WDR44: variants seen among roughly 807,000 people sequenced by gnomAD.
WDR44 encodes the protein WD repeat-containing protein 44.
Under a neutral mutation model 65.7 loss-of-function variants are expected in WDR44, and 9 were observed. The ratio of observed to expected loss-of-function variants is 0.14; its 90% CI spans 0.08 to 0.24. The LOEUF (loss-of-function observed/expected upper bound fraction) is 0.24. Ranked by LOEUF, WDR44 falls within the 10% of genes least tolerant of loss-of-function variation. WDR44 has a pLI of 1.00. For missense variants in WDR44, 425 were observed against 670.9 expected, an observed-to-expected ratio of 0.63 and a Z score of 4.05; for synonymous variants, 220 against 235.2, an observed-to-expected ratio of 0.94 and a Z score of 0.59.
chrX:118,387,444 T>C, intron 3 of WDR44, 30 bp downstream of exon 3: 1 of 1,032,494 alleles, frequency 9.7e-7, no homozygotes, highest in Non-Finnish European at 1.3e-6. Flanking sequence ...AATATTAGTT[T>C]ATAGCAGACA....
intron 19 of WDR44, 33 bp downstream of exon 19, chrX:118,444,527 G>C: frequency 8.4e-7 from 1 of 1,195,412 alleles, no homozygotes; most frequent in East Asian, 3.0e-5. Flanking sequence ...TTTTTTTCTA[G>C]TCAGCACTTA....
At chrX:118,354,718 A>G (rs2056444464) in intron 1 of WDR44, among the ~76,000 whole-genome samples, 3 of 111,937 alleles carry the variant, frequency 2.7e-5, no homozygotes, top group African/African-American at 6.5e-5. Context: ...TAGGTATCCT[A>G]TACAGAACAA....
chrX:118,366,892 T>C (rs1342512866), intron 1 of WDR44, among the ~76,000 whole-genome samples: 1 of 111,534 alleles, frequency 9.0e-6, no homozygotes, highest in Non-Finnish European at 1.9e-5. Flanking sequence ...GGTCAGGAGA[T>C]GGAGACCACG....
chrX:118,374,511 A>G (rs925327568), intron 1 of WDR44, among the ~76,000 whole-genome samples: 8 of 112,023 alleles, frequency 7.1e-5, no homozygotes, highest in African/African-American at 2.6e-4. Context: ...CAACTTTGTA[A>G]CATTTAACAT....
At chrX:118,376,483 A>G (rs990893276) in intron 1 of WDR44, among the ~76,000 whole-genome samples, 4 of 111,224 alleles carry the variant, frequency 3.6e-5, no homozygotes, top group African/African-American at 1.3e-4. Context: ...AGGCTGTGTG[A>G]TTAGATCATC....
At chrX:118,446,518 A>G (rs2057347909) in intron 19 of WDR44, among the ~76,000 whole-genome samples, 1 of 112,211 alleles carries the variant, frequency 8.9e-6, no homozygotes. Context: ...TCATAAAGCC[A>G]CAGGAATAGA....
intron 10 of WDR44, 147 bp from the exon 11 acceptor site, chrX:118,409,342 C>T: frequency 2.0e-6 from 1 of 490,493 alleles, no homozygotes; most frequent in Non-Finnish European, 3.2e-6. Flanking sequence ...GTTGGCCAGG[C>T]TGGTCTCGAA....
At chrX:118,367,076 A>G (rs1375209793) in intron 1 of WDR44, among the ~76,000 whole-genome samples, 1 of 104,501 alleles carries the variant, frequency 9.6e-6, no homozygotes, top group South Asian at 4.3e-4. Context: ...ACAGAGCAAG[A>G]CTCCGTCTCA....
intron 1 of WDR44, among the ~76,000 whole-genome samples, chrX:118,348,323 ATC>A (rs774595504): frequency 5.3e-4 from 60 of 112,368 alleles, no homozygotes; most frequent in African/African-American, 1.4e-3. Flanking sequence ...TATTTTACTT[ATC>A]TAAACCGGAT....
intron 2 of WDR44, among the ~76,000 whole-genome samples, chrX:118,385,506 G>A (rs2056758522): frequency 9.0e-6 from 1 of 111,181 alleles, no homozygotes; most frequent in Admixed American, 9.6e-5. Flanking sequence ...CCTATCAGAG[G>A]GTGAAGGGTG....
At chrX:118,346,672 T>C in intron 1 of WDR44, 92 bp downstream of exon 1, 1 of 704,054 alleles carries the variant, frequency 1.4e-6, no homozygotes, top group Non-Finnish European at 2.1e-6. Context: ...GGTCCCGCTG[T>C]GTCCGCCACC....
intron 13 of WDR44, among the ~76,000 whole-genome samples, chrX:118,433,855 A>C (rs1200458050): frequency 8.9e-6 from 1 of 112,125 alleles, no homozygotes; most frequent in African/African-American, 3.2e-5. Context: ...CACTGGGGAC[A>C]CAGACAAAAG....
At chrX:118,418,098 G>A (rs189010493) in intron 12 of WDR44, among the ~76,000 whole-genome samples, 2 of 110,766 alleles carry the variant, frequency 1.8e-5, no homozygotes, top group Admixed American at 9.7e-5. Context: ...TTCTTGTATC[G>A]TTTTTTGGAT....
intron 14 of WDR44, among the ~76,000 whole-genome samples, chrX:118,438,737 A>G (rs1418686123): frequency 1.9e-5 from 2 of 105,567 alleles, no homozygotes; most frequent in South Asian, 4.2e-4. Context: ...GAACCACTGC[A>G]CCCATCCAGT....
chrX:118,386,840 T>A (rs895412394), intron 2 of WDR44, among the ~76,000 whole-genome samples: 11 of 111,483 alleles, frequency 9.9e-5, no homozygotes, highest in Non-Finnish European at 1.1e-4. Context: ...CAAATTACAT[T>A]GTCCCATTTG....
At chrX:118,409,802 G>A (rs2056997976) in intron 11 of WDR44, among the ~76,000 whole-genome samples, 175 bp downstream of exon 11, 1 of 111,965 alleles carries the variant, frequency 8.9e-6, no homozygotes, top group Non-Finnish European at 1.9e-5. Flanking sequence ...AATGAAAAGA[G>A]CTGCCACAAA....
rs61698360 is a variant in WDR44 at position 118,378,709 on chromosome X, C to CGT, written c.111+282_111+283dup. 4.2e-3 allele frequency among the ~76,000 whole-genome samples: 398 copies of CGT among 94,415 alleles called. 4 individuals are homozygous for CGT. The highest frequency in any genetic ancestry group is 0.015 in the East Asian group (44 of 2,850). The allele number at this position is 94,415 out of a possible 115,157, so 82.0% of individuals were successfully genotyped here. On this transcript the variant is annotated intron_variant, in intron 2 of 19. Coordinates refer to ENST00000254029, the MANE Select transcript of WDR44 (RefSeq NM_019045.5). ...GTTTATAATATCTAGAATAAAAGAA[C>CGT]GTGTGTGTGTGTGTGTGTGTGTGTG...
chrX:118,445,019 G>T (rs1388194503), intron 19 of WDR44: 2 of 327,741 alleles, frequency 6.1e-6, no homozygotes, highest in African/African-American at 5.3e-5. Context: ...ATTTGGGCCT[G>T]GTGCGGTGGC....
intron 9 of WDR44, among the ~76,000 whole-genome samples, chrX:118,405,565 G>C (rs1046330112): frequency 4.5e-5 from 5 of 110,276 alleles, no homozygotes; most frequent in African/African-American, 1.6e-4. Context: ...GTCTCGCACT[G>C]ATGACCTCAG....
Sources: allele counts gnomAD v4.1 joint callset (sites outside exome capture counted in the v4.1 genomes callset), GRCh38; gene constraint gnomAD v4.1.1; transcripts MANE v1.5; gene names NCBI Gene and HGNC (gene_info 2026-07-23, HGNC 2026-07-21).